Variants in MARCHF4 observed in about 807,000 individuals in gnomAD.
MARCHF4 encodes E3 ubiquitin-protein ligase MARCHF4.
MARCHF4 carries 14 observed loss-of-function variants against 43.9 expected under a neutral mutation model. That is an observed-to-expected ratio of 0.32 (90% confidence interval 0.21 to 0.50). The LOEUF is 0.50. Among genes scored for constraint, MARCHF4 ranks in the 20% least tolerant of loss-of-function variants. MARCHF4 has a pLI of 0.98. For synonymous variants in MARCHF4, 226 were observed against 213.3 expected (o/e 1.06, Z -0.52); for missense variants, 468 against 536.7 (o/e 0.87, Z 1.27).
chr2:216,319,035 C>T (rs1454584597), intron 1 of MARCHF4, among the ~76,000 whole-genome samples: 1 of 152,010 alleles, frequency 6.6e-6, no homozygotes, highest in East Asian at 1.9e-4. Context: ...CTGCCGGGTG[C>T]GGTGGCTCAC....
At chr2:216,344,733 C>T (rs1263844598) in intron 1 of MARCHF4, among the ~76,000 whole-genome samples, 10 of 151,806 alleles carry the variant, frequency 6.6e-5, no homozygotes, top group Admixed American at 3.3e-4. Flanking sequence ...TAAAGGCTTG[C>T]CTGCATGCAG....
intron 1 of MARCHF4, among the ~76,000 whole-genome samples, chr2:216,336,742 TAAAAAAAAAAAAAAA>T (rs58031229): frequency 7.2e-5 from 4 of 55,682 alleles, no homozygotes; most frequent in African/African-American, 2.0e-4. Flanking sequence ...CAAATAGATT[TAAAAAAAAAAAAAAA>T]AAAAAAAAAA....
intron 2 of MARCHF4, among the ~76,000 whole-genome samples, chr2:216,278,560 T>C (rs773513043): frequency 3.1e-4 from 47 of 152,320 alleles, no homozygotes; most frequent in Admixed American, 2.3e-3. Context: ...AAACACAGTC[T>C]ATTTTCTCAC....
intron 2 of MARCHF4, among the ~76,000 whole-genome samples, chr2:216,278,855 T>C (rs1691078479): frequency 6.6e-6 from 1 of 152,200 alleles, no homozygotes; most frequent in Non-Finnish European, 1.5e-5. Context: ...AAGTCTATGA[T>C]TCTATGGCTG....
chr2:216,337,946 T>G (rs1008486356), intron 1 of MARCHF4, among the ~76,000 whole-genome samples: 17 of 152,140 alleles, frequency 1.1e-4, no homozygotes, highest in Admixed American at 6.5e-5. Flanking sequence ...AGACAGATAT[T>G]TGATCAGAAA....
chr2:216,312,338 T>C (rs1379978645), intron 1 of MARCHF4, among the ~76,000 whole-genome samples: 1 of 152,226 alleles, frequency 6.6e-6, no homozygotes, highest in Non-Finnish European at 1.5e-5. Context: ...TATACCACAT[T>C]TTCTTTATCC....
chr2:216,321,447 C>T (rs558354615), intron 1 of MARCHF4: 2 of 152,228 alleles, frequency 1.3e-5, no homozygotes, highest in East Asian at 3.9e-4. Flanking sequence ...GGGGATTGGT[C>T]GGTCCTTGAA....
intron 2 of MARCHF4, among the ~76,000 whole-genome samples, chr2:216,278,427 G>A (rs1691068114): frequency 6.6e-6 from 1 of 152,190 alleles, no homozygotes; most frequent in African/African-American, 2.4e-5. Flanking sequence ...GGGTTTCACT[G>A]TGTTAGCCAG....
At chr2:216,299,996 C>T (rs886366384) in intron 1 of MARCHF4, among the ~76,000 whole-genome samples, 4 of 152,136 alleles carry the variant, frequency 2.6e-5, no homozygotes, top group East Asian at 1.9e-4. Flanking sequence ...GCTAATGTCC[C>T]GCTGACCAAA....
At chr2:216,322,463 G>A (rs1468778879) in intron 1 of MARCHF4, among the ~76,000 whole-genome samples, 2 of 152,200 alleles carry the variant, frequency 1.3e-5, no homozygotes, top group Non-Finnish European at 2.9e-5. Context: ...GTATTATTTT[G>A]CATGTATGTG....
chr2:216,362,016 A>C (rs1250628304), intron 1 of MARCHF4, among the ~76,000 whole-genome samples: 1 of 152,156 alleles, frequency 6.6e-6, no homozygotes, highest in African/African-American at 2.4e-5. Context: ...AGGGAGGTTA[A>C]ATAAGTTGCC....
chr2:216,342,556 C>G (rs1692253911), intron 1 of MARCHF4, among the ~76,000 whole-genome samples: 1 of 151,992 alleles, frequency 6.6e-6, no homozygotes, highest in African/African-American at 2.4e-5. Flanking sequence ...AGGATGCCTG[C>G]AGGAATGGTG....
chr2:216,327,100 T>A (rs1692006205), intron 1 of MARCHF4, among the ~76,000 whole-genome samples: 1 of 152,180 alleles, frequency 6.6e-6, no homozygotes, highest in Non-Finnish European at 1.5e-5. Context: ...CAGGTTAGAA[T>A]GAGACTTTAC....
rs189009719 is a variant in MARCHF4, at chr2:216,314,791, A to C, written c.517-31062T>G. On this transcript the variant is annotated intron_variant, in intron 1 of 3. Coordinates refer to ENST00000273067, the MANE Select transcript of MARCHF4 (RefSeq NM_020814.3). ...GAATAAGAAGGAGCCACTCGGTTGA[A>C]GAGCAAAGGAAGATCATTCCAGGCA... Among the ~76,000 whole-genome samples the C allele has an allele frequency of 2.6e-3, 399 of 152,342 alleles. 1 individual carries two copies. The highest frequency in any genetic ancestry group is 3.3e-3 in the Non-Finnish European group (224 of 68,030).
chr2:216,270,478 C>T (rs1413286594), intron 3 of MARCHF4, among the ~76,000 whole-genome samples: 1 of 152,158 alleles, frequency 6.6e-6, no homozygotes. Flanking sequence ...CTCTACGTCA[C>T]AGGAGGGGAC....
intron 1 of MARCHF4, among the ~76,000 whole-genome samples, chr2:216,338,325 A>G (rs1179962900): frequency 2.6e-5 from 4 of 152,178 alleles, no homozygotes; most frequent in Non-Finnish European, 4.4e-5. Context: ...CACTACCTAG[A>G]CACCATTGCC....
chr2:216,347,191 A>C (rs1692334917), intron 1 of MARCHF4, among the ~76,000 whole-genome samples: 1 of 152,160 alleles, frequency 6.6e-6, no homozygotes, highest in Admixed American at 6.5e-5. Flanking sequence ...GCAGTGTAAG[A>C]ATGGTCTAAT....
At position 216,341,404 on chromosome 2, in the gene MARCHF4, C is replaced by T. The variant is rs7596476; in HGVS notation, c.516+28341G>A. On this transcript the variant is annotated intron_variant, in intron 1 of 3. Coordinates refer to ENST00000273067, the MANE Select transcript of MARCHF4 (RefSeq NM_020814.3). ...GGGCTTGAGCCTGAGCCAAGGGAGCCGCCCAGACCCCACCCACATTCACTG... is the reference window on the plus strand; with the variant it reads ...GGGCTTGAGCCTGAGCCAAGGGAGCTGCCCAGACCCCACCCACATTCACTG... Among the ~76,000 whole-genome samples the T allele has an allele frequency of 6.5e-3, 992 of 152,294 alleles. 8 individuals are homozygous for T. The highest frequency in any genetic ancestry group is 0.023 in the African/African-American group (937 of 41,572).
chr2:216,343,173 T>C (rs1331380582), intron 1 of MARCHF4, among the ~76,000 whole-genome samples: 1 of 152,174 alleles, frequency 6.6e-6, no homozygotes, highest in East Asian at 1.9e-4. Context: ...ATGGAAGATT[T>C]GCTAGTGGGG....
Sources: gnomAD v4.1 joint callset for allele counts (sites outside exome capture counted in the v4.1 genomes callset) on GRCh38, gnomAD v4.1.1 for gene constraint, MANE v1.5 for transcripts, NCBI Gene and HGNC (gene_info 2026-07-23, HGNC 2026-07-21) for gene names.